Variants in MYO3B observed in about 807,000 individuals in gnomAD.
MYO3B encodes myosin-IIIb.
Under a neutral mutation model 174.6 loss-of-function variants are expected in MYO3B, and 156 were observed. The observed-to-expected ratio is 0.89, with a 90% CI of 0.78 to 1.02. MYO3B has a LOEUF of 1.02. Among genes scored for constraint, MYO3B ranks in the 50% least tolerant of loss-of-function variants. The pLI is 0.00. For synonymous variants in MYO3B, 563 were observed against 569.1 expected (o/e 0.99, Z 0.15); for missense variants, 1,632 against 1,639.4 (o/e 1.00, Z 0.08).
intron 22 of MYO3B, among the ~76,000 whole-genome samples, chr2:170,409,423 A>C (rs918134289): frequency 6.6e-6 from 1 of 152,230 alleles, no homozygotes; most frequent in Non-Finnish European, 1.5e-5. Flanking sequence ...ATAGAAACAA[A>C]AGTGAAAAAT....
At chr2:170,200,947 T>TG (rs760379461) in intron 3 of MYO3B, among the ~76,000 whole-genome samples, 19 of 152,152 alleles carry the variant, frequency 1.2e-4, no homozygotes, top group Non-Finnish European at 2.4e-4. Context: ...AGCGTGACTT[T>TG]GGGGGAGTCA....
chr2:170,485,404 C>T (rs1360221903), intron 25 of MYO3B, among the ~76,000 whole-genome samples: 1 of 131,892 alleles, frequency 7.6e-6, no homozygotes, highest in African/African-American at 2.7e-5. Context: ...CACACACACA[C>T]ACACACACAC....
At chr2:170,195,752 ACCTG>A (rs1269135494) in intron 1 of MYO3B, among the ~76,000 whole-genome samples, 1 of 152,108 alleles carries the variant, frequency 6.6e-6, no homozygotes, top group Non-Finnish European at 1.5e-5. Flanking sequence ...CAGATCCTGC[ACCTG>A]CCTGTCTATG....
chr2:170,598,238 G>C (rs1386266931), intron 32 of MYO3B, among the ~76,000 whole-genome samples: 1 of 152,214 alleles, frequency 6.6e-6, no homozygotes, highest in African/African-American at 2.4e-5. Flanking sequence ...CTTTTGGTCT[G>C]TGTATTCAAA....
intron 32 of MYO3B, among the ~76,000 whole-genome samples, chr2:170,593,845 G>A (rs961301466): frequency 6.6e-6 from 1 of 152,164 alleles, no homozygotes; most frequent in Non-Finnish European, 1.5e-5. Flanking sequence ...GCAACTGCAA[G>A]ATTTTCCTAT....
chr2:170,279,210 T>C (rs954454911), intron 7 of MYO3B, among the ~76,000 whole-genome samples: 3 of 152,288 alleles, frequency 2.0e-5, no homozygotes, highest in South Asian at 4.1e-4. Flanking sequence ...ATCTCTTTAC[T>C]ATTTTCCCTA....
intron 1 of MYO3B, among the ~76,000 whole-genome samples, chr2:170,184,458 G>A (rs1177012373): frequency 1.3e-5 from 2 of 152,050 alleles, no homozygotes; most frequent in African/African-American, 4.8e-5. Flanking sequence ...TTTGTGCCTG[G>A]CTTATTTCAC....
At chr2:170,636,589 A>T (rs1168618436) in intron 32 of MYO3B, among the ~76,000 whole-genome samples, 1 of 151,926 alleles carries the variant, frequency 6.6e-6, no homozygotes, top group African/African-American at 2.4e-5. Context: ...CTCATGCAGG[A>T]TGAGCGGCCA....
At chr2:170,576,310 G>C (rs1692777982) in intron 32 of MYO3B, among the ~76,000 whole-genome samples, 1 of 152,176 alleles carries the variant, frequency 6.6e-6, no homozygotes. Flanking sequence ...GCTGATGCTG[G>C]TCTCTGAAGG....
chr2:170,414,435 C>T (rs34107826), intron 22 of MYO3B, among the ~76,000 whole-genome samples: 49,408 of 152,008 alleles, frequency 0.33, 8,271 homozygotes, highest in Admixed American at 0.43. Flanking sequence ...GATCCACCCA[C>T]CTCAGCCTCC....
In MYO3B at chr2:170,303,451, A is replaced by G. The variant is rs183052752; in HGVS notation, c.750-31934A>G. Among the ~76,000 whole-genome samples, 9 of 152,290 alleles carry G rather than the reference A, an allele frequency of 5.9e-5. 1 individual carries two copies. Among genetic ancestry groups the G allele is most frequent in the African/African-American group, 1.7e-4 (7 of 41,576 alleles). On this transcript the variant is annotated intron_variant, in intron 7 of 34. Coordinates refer to ENST00000408978, the MANE Select transcript of MYO3B (RefSeq NM_138995.5). ...CTCATTTACATTTTTTAAATTATGC[A>G]TGAGACTGATTATATTTATAATTTT...
At chr2:170,462,082 G>C in intron 23 of MYO3B, among the ~76,000 whole-genome samples, 1 of 152,182 alleles carries the variant, frequency 6.6e-6, no homozygotes, top group Non-Finnish European at 1.5e-5. Context: ...AGGTGGTGCT[G>C]GTGTGTTGTG....
At chr2:170,544,028 T>G in intron 32 of MYO3B, 40 bp downstream of exon 32, 1 of 1,453,568 alleles carries the variant, frequency 6.9e-7, no homozygotes, top group Non-Finnish European at 9.6e-7. Flanking sequence ...CTTCTACCAT[T>G]TGCATGTTTG....
At chr2:170,538,446 G>A (rs1397336725) in intron 30 of MYO3B, among the ~76,000 whole-genome samples, 2 of 152,312 alleles carry the variant, frequency 1.3e-5, no homozygotes, top group East Asian at 1.9e-4. Context: ...CCCAGTCCCT[G>A]GACCATGGTG....
At chr2:170,222,329 C>T (rs1180102308) in intron 6 of MYO3B, among the ~76,000 whole-genome samples, 1 of 152,132 alleles carries the variant, frequency 6.6e-6, no homozygotes, top group African/African-American at 2.4e-5. Flanking sequence ...ACTTTTCCAC[C>T]CTATATTTAT....
At chr2:170,628,975 T>C (rs1339127224) in intron 32 of MYO3B, among the ~76,000 whole-genome samples, 1 of 152,032 alleles carries the variant, frequency 6.6e-6, no homozygotes, top group Admixed American at 6.6e-5. Context: ...AAACCAAAAG[T>C]CTCCATGAGA....
At chr2:170,634,043 T>A (rs1031526255) in intron 32 of MYO3B, among the ~76,000 whole-genome samples, 2 of 152,252 alleles carry the variant, frequency 1.3e-5, no homozygotes, top group East Asian at 1.9e-4. Context: ...CATACTGCCC[T>A]AGGTAATTTA....
At position 170,542,940 on chromosome 2, in the gene MYO3B, G is replaced by A. The variant is rs776522631; in HGVS notation, c.3610G>A (p.Asp1204Asn). Reference protein sequence around the residue: ...SQAQSSPKGCDIFAGHANKHS... With the variant: ...SQAQSSPKGCNIFAGHANKHS... ...AGCCCAGAGTTCTCCAAAAGGGTGCGATATCTTCGCAGGACATGCAAACAA... is the reference window on the plus strand; with the variant it reads ...AGCCCAGAGTTCTCCAAAAGGGTGCAATATCTTCGCAGGACATGCAAACAA... Residue 1204 changes from aspartate (D) to asparagine (N), a missense_variant, in exon 31 of 35, where the codon GAT (aspartate) becomes AAT (asparagine). Transcript: ENST00000408978. The A allele has an allele frequency of 2.5e-6, 4 of 1,609,900 alleles. No homozygotes were observed. The highest frequency in any genetic ancestry group is 1.1e-5 in the South Asian group (1 of 89,808).
At chr2:170,585,453 A>T (rs1245114771) in intron 32 of MYO3B, among the ~76,000 whole-genome samples, 1 of 152,112 alleles carries the variant, frequency 6.6e-6, no homozygotes, top group Non-Finnish European at 1.5e-5. Flanking sequence ...TGGATGTGCT[A>T]CCTGCTCACC....
Sources: gnomAD v4.1 joint callset for allele counts (sites outside exome capture counted in the v4.1 genomes callset) on GRCh38, gnomAD v4.1.1 for gene constraint, MANE v1.5 for transcripts, NCBI Gene and HGNC (gene_info 2026-07-23, HGNC 2026-07-21) for gene names.